Variants in CADPS2 observed in about 807,000 individuals in gnomAD.
CADPS2 encodes calcium-dependent secretion activator 2.
Under a neutral mutation model 172.5 loss-of-function variants are expected in CADPS2, and 93 were observed. The ratio of observed to expected loss-of-function variants is 0.54; its 90% CI spans 0.46 to 0.64. The LOEUF (loss-of-function observed/expected upper bound fraction) is 0.64, where lower values mean the gene tolerates loss of function less well. Ranked by LOEUF, CADPS2 falls within the 30% of genes least tolerant of loss-of-function variation. CADPS2 has a pLI of 0.00. For synonymous variants in CADPS2, 546 were observed against 555.2 expected (o/e 0.98, Z 0.23); for missense variants, 1,420 against 1,565.9 (o/e 0.91, Z 1.57).
At chr7:122,459,114 T>C (rs1223343487) in intron 14 of CADPS2, among the ~76,000 whole-genome samples, 3 of 151,944 alleles carry the variant, frequency 2.0e-5, no homozygotes, top group Non-Finnish European at 4.4e-5. Context: ...TTTATTTCTC[T>C]AACTCTATAG....
chr7:122,772,721 A>G (rs2093741166), intron 1 of CADPS2, among the ~76,000 whole-genome samples: 1 of 152,180 alleles, frequency 6.6e-6, no homozygotes, highest in South Asian at 2.1e-4. Context: ...AATTGGAGAG[A>G]CATACCATAT....
chr7:122,319,397 T>C lies in CADPS2; in HGVS notation c.*768A>G, dbSNP rs942138874. On this transcript the variant is annotated 3_prime_UTR_variant, in exon 30 of 30. Coordinates refer to ENST00000449022, the MANE Select transcript of CADPS2 (RefSeq NM_017954.11). ...ATAAGTCTAATAAATACAGAAGTAG[T>C]TATGAGCAAATAGATTTTTATTGCC... 6 of 152,200 alleles carry C rather than the reference T, an allele frequency of 3.9e-5. No individual in the cohort carries two copies. Among genetic ancestry groups the C allele is most frequent in the Non-Finnish European group, 8.8e-5 (6 of 68,038 alleles). 9.4% of individuals were successfully genotyped at this position (152,200 alleles called of 1,614,324 possible).
chr7:122,678,222 A>C (rs2082586842), intron 2 of CADPS2, among the ~76,000 whole-genome samples: 1 of 152,208 alleles, frequency 6.6e-6, no homozygotes, highest in Non-Finnish European at 1.5e-5. Context: ...AGTCCATTTT[A>C]ATAAAGCTGA....
chr7:122,467,489 T>C (rs1452054735), intron 14 of CADPS2, among the ~76,000 whole-genome samples: 4 of 152,140 alleles, frequency 2.6e-5, no homozygotes, highest in African/African-American at 7.2e-5. Context: ...CCCATTAAGG[T>C]TACTTAACAA....
chr7:122,849,681 G>A, intron 1 of CADPS2: 1 of 327,710 alleles, frequency 3.1e-6, no homozygotes, highest in Non-Finnish European at 5.9e-6. Context: ...AGAGGCATTT[G>A]ATTGGGTCTT....
intron 3 of CADPS2, among the ~76,000 whole-genome samples, chr7:122,661,300 T>C (rs916975847): frequency 2.0e-5 from 3 of 152,150 alleles, no homozygotes; most frequent in African/African-American, 7.2e-5. Flanking sequence ...ACTGCTACAG[T>C]TGGAGATCTG....
At chr7:122,827,441 T>C (rs911243608) in intron 1 of CADPS2, among the ~76,000 whole-genome samples, 2 of 21,194 alleles carry the variant, frequency 9.4e-5, no homozygotes, top group Non-Finnish European at 1.5e-4. Flanking sequence ...GCGACCAGCC[T>C]GACCAACATG....
chr7:122,838,287 A>G (rs897740314), intron 1 of CADPS2, among the ~76,000 whole-genome samples: 9 of 152,340 alleles, frequency 5.9e-5, no homozygotes, highest in Admixed American at 4.6e-4. Flanking sequence ...TCTCAAAATA[A>G]TAAGAGCTAT....
At chr7:122,532,039 A>C (rs113829747) in intron 8 of CADPS2, among the ~76,000 whole-genome samples, 1 of 145,004 alleles carries the variant, frequency 6.9e-6, no homozygotes, top group Admixed American at 7.1e-5. Flanking sequence ...TCAAAAAAAA[A>C]AAAAACAAAA....
chr7:122,487,896 C>T (rs777116525), intron 11 of CADPS2, among the ~76,000 whole-genome samples: 1 of 152,130 alleles, frequency 6.6e-6, no homozygotes, highest in Non-Finnish European at 1.5e-5. Context: ...TTCATAAAAA[C>T]ATGGATAAAT....
rs547341645 is a variant in CADPS2, at chr7:122,397,725, G to A, written c.2747-4143C>T. Among the ~76,000 whole-genome samples, 4 of 152,194 alleles carry A rather than the reference G, an allele frequency of 2.6e-5. No homozygotes were observed. The South Asian group carries it at 6.2e-4, about 24-fold the overall frequency. The stretch of plus-strand genomic sequence containing the variant: ...TATCTTCTCCATATGGTTTAATAAG[G>A]ATAGGTTATGATTTGGGGCTGTCAC... On this transcript the variant is annotated intron_variant, in intron 20 of 29. Transcript: ENST00000449022.
intron 5 of CADPS2, among the ~76,000 whole-genome samples, chr7:122,618,986 T>C (rs920998712): frequency 7.9e-5 from 12 of 152,192 alleles, no homozygotes; most frequent in African/African-American, 2.9e-4. Context: ...AACAATTTTA[T>C]AAATATGCAA....
At chr7:122,696,089 AC>A (rs1209655140) in intron 2 of CADPS2, among the ~76,000 whole-genome samples, 1 of 152,048 alleles carries the variant, frequency 6.6e-6, no homozygotes, top group African/African-American at 2.4e-5. Context: ...CACTTTAGCC[AC>A]CCCACCCCCA....
chr7:122,529,954 T>C (rs2061615026), intron 8 of CADPS2, among the ~76,000 whole-genome samples: 1 of 152,134 alleles, frequency 6.6e-6, no homozygotes, highest in Non-Finnish European at 1.5e-5. Context: ...TTCCTTCCTT[T>C]GATCTACAAT....
At chr7:122,807,661 T>C (rs1437326456) in intron 1 of CADPS2, among the ~76,000 whole-genome samples, 2 of 152,142 alleles carry the variant, frequency 1.3e-5, no homozygotes, top group Non-Finnish European at 2.9e-5. Context: ...AAGATCAAAG[T>C]GTTGGCAGGT....
intron 1 of CADPS2, among the ~76,000 whole-genome samples, chr7:122,764,546 G>T (rs1043066326): frequency 6.6e-6 from 1 of 151,886 alleles, no homozygotes; most frequent in Non-Finnish European, 1.5e-5. Flanking sequence ...CAACAAGTCA[G>T]TGTGTAAACA....
intron 28 of CADPS2, among the ~76,000 whole-genome samples, chr7:122,330,047 T>C (rs2034647771): frequency 6.6e-6 from 1 of 152,202 alleles, no homozygotes; most frequent in South Asian, 2.1e-4. Flanking sequence ...CTTGTCTCAA[T>C]AGGTGACAAA....
At chr7:122,687,007 A>G (rs1002376035) in intron 2 of CADPS2, among the ~76,000 whole-genome samples, 2 of 152,144 alleles carry the variant, frequency 1.3e-5, no homozygotes, top group South Asian at 4.1e-4. Context: ...TTAAGCTTAA[A>G]CTTTTAAAAA....
At chr7:122,538,335 C>A (rs2062539578) in intron 8 of CADPS2, among the ~76,000 whole-genome samples, 1 of 139,110 alleles carries the variant, frequency 7.2e-6, no homozygotes. Flanking sequence ...AATATAAACA[C>A]ACAAGGAGAA....
Sources: gnomAD v4.1 joint callset for allele counts (sites outside exome capture counted in the v4.1 genomes callset) on GRCh38, gnomAD v4.1.1 for gene constraint, MANE v1.5 for transcripts, NCBI Gene and HGNC (gene_info 2026-07-23, HGNC 2026-07-21) for gene names.